ZNF696: variants seen among roughly 807,000 people sequenced by gnomAD.
The protein encoded by ZNF696 is zinc finger protein 696.
ZNF696 carries 10 observed loss-of-function variants against 12.3 expected under a neutral mutation model. The ratio of observed to expected loss-of-function variants is 0.81; its 90% CI spans 0.50 to 1.38. The LOEUF (loss-of-function observed/expected upper bound fraction) is 1.38, where lower values mean the gene tolerates loss of function less well. ZNF696 is among the 40% of genes most tolerant of loss of function. ZNF696 has a pLI of 0.00. For missense variants in ZNF696, 675 were observed against 554.7 expected (o/e 1.22, Z -2.18); for synonymous variants, 304 against 243.9 (o/e 1.25, Z -2.29).
chr8:143,293,127 G>T, intron 2 of ZNF696, 62 bp downstream of exon 2: 1 of 1,389,772 alleles, frequency 7.2e-7, no homozygotes, highest in Non-Finnish European at 1.0e-6. Context: ...CAGGAATACA[G>T]GAAAAACACC....
In ZNF696 at chr8:143,295,416, A is replaced by G. The variant is rs955722628; in HGVS notation, c.65-324A>G. On this transcript the variant is annotated intron_variant, in intron 2 of 2. Transcript: ENST00000330143. ...ACTATGTTGGCCAGGCTGGTCTTGA[A>G]CTCCAAGTCTCAAGTGGTCCTCCTG... is the stretch of plus-strand genomic sequence containing the variant. The G allele has an allele frequency of 4.7e-5, 29 of 614,968 alleles. No homozygotes were observed. In the African/African-American group the frequency reaches 5.1e-4, roughly 11 times the overall value. The allele number at this position is 614,968 out of a possible 1,614,324, so 38.1% of individuals were successfully genotyped here. A position where few individuals can be genotyped will look rare whatever the true frequency, so the allele number is the denominator to read the frequency against.
In ZNF696 at chr8:143,297,120, G is replaced by A. The variant is rs955125740; in HGVS notation, c.*320G>A. The A allele has an allele frequency of 2.6e-5, 7 of 267,624 alleles. No homozygotes were observed. The highest frequency in any genetic ancestry group is 4.2e-5 in the Non-Finnish European group (6 of 142,870). 16.6% of individuals were successfully genotyped at this position (267,624 alleles called of 1,614,324 possible). On this transcript the variant is annotated 3_prime_UTR_variant, in exon 3 of 3. Transcript: ENST00000330143. The stretch of plus-strand genomic sequence containing the variant: ...CAGCTGCTGCGGGGCAGTGGCCGGT[G>A]ATTGAATCGGTCATTCCTCCGCAAC...
chr8:143,294,617 C>T (rs1468524817), intron 2 of ZNF696, among the ~76,000 whole-genome samples: 1 of 152,140 alleles, frequency 6.6e-6, no homozygotes, highest in Non-Finnish European at 1.5e-5. Context: ...CTGCCCACCT[C>T]AGCCTCCCAA....
rs1563745216 is a variant in ZNF696 at position 143,296,511 on chromosome 8, ACCT to A, written c.842_844del (p.Leu281del). 5 of 1,607,358 alleles carry A rather than the reference ACCT, an allele frequency of 3.1e-6. No homozygotes were observed. The Admixed American group carries it at 6.7e-5, about 21-fold the overall frequency. ...GGCCAGGCCTTCAGCCAGAGCTCCA[ACCT>A]CCTCCAGCACCAGCGCGTGCACACG... On this transcript the variant is annotated inframe_deletion, in exon 3 of 3. Transcript: ENST00000330143.
chr8:143,292,440 G>GT (rs35335113), intron 1 of ZNF696, among the ~76,000 whole-genome samples: 7,611 of 145,266 alleles, frequency 0.052, 245 homozygotes, highest in East Asian at 0.075. Context: ...TCCCTTTTTG[G>GT]TTTTTTTTTT....
chr8:143,296,353 G>C lies in ZNF696; in HGVS notation c.678G>C (p.Lys226Asn). 6.3e-7 allele frequency: 1 copy of C among 1,590,750 alleles called. No homozygotes were observed. Among genetic ancestry groups the C allele is most frequent in the Non-Finnish European group, 8.5e-7 (1 of 1,172,410 alleles). Residue 226 changes from lysine (K) to asparagine (N), a missense_variant, in exon 3 of 3, where the codon AAG (lysine) becomes AAC (asparagine). Coordinates refer to ENST00000330143, the MANE Select transcript of ZNF696 (RefSeq NM_030895.3). Reference protein sequence around the residue: ...KAFGQRSDAAKHRRTHTGERL... With the variant: ...KAFGQRSDAANHRRTHTGERL... ...TCGGCCAGAGGTCGGACGCCGCCAAGCACCGCCGCACCCACACCGGGGAGA... is the reference window on the plus strand; with the variant it reads ...TCGGCCAGAGGTCGGACGCCGCCAACCACCGCCGCACCCACACCGGGGAGA...
chr8:143,292,975 T>G lies in ZNF696; in HGVS notation c.-27T>G, dbSNP rs1208566162. The G allele has an allele frequency of 6.2e-7, 1 of 1,612,986 alleles. No homozygotes were observed. The highest frequency in any genetic ancestry group is 1.7e-5 in the Admixed American group (1 of 59,866). ...TCCTTTTCTTTTACCTAAGCAGAAA[T>G]TGTTCCAACTGCTGGTGTTCTGCAA... On this transcript the variant is annotated 5_prime_UTR_variant, in exon 2 of 3. Transcript: ENST00000330143.
rs1287305983 is a variant in ZNF696 at position 143,291,719 on chromosome 8, A to G, written c.-79A>G. 3.0e-6 allele frequency: 3 copies of G among 985,356 alleles called. No individual in the cohort carries two copies. The highest frequency in any genetic ancestry group is 6.1e-5 in the Admixed American group (1 of 16,274). The allele number at this position is 985,356 out of a possible 1,614,324, so 61.0% of individuals were successfully genotyped here. ...AATTTCCCACCGGCCCAGCTCATCG[A>G]GCTTCTTCCCAGCTGTGAACAGGAG... On this transcript the variant is annotated 5_prime_UTR_variant, in exon 1 of 3. Coordinates refer to ENST00000330143, the MANE Select transcript of ZNF696 (RefSeq NM_030895.3).
In ZNF696 at chr8:143,296,528, C is replaced by G; in HGVS notation, c.853C>G (p.Arg285Gly). The stretch of plus-strand genomic sequence containing the variant: ...GAGCTCCAACCTCCTCCAGCACCAG[C>G]GCGTGCACACGGGGGAGCGGCCCTT... ...SQSSNLLQHQ[R>G]VHTGERPFAC... is the part of the protein sequence containing the mutation. The change falls in exon 3 of 3, where the codon CGC becomes GGC. Residue 285 changes from arginine (R) to glycine (G), a missense_variant. Arg to Gly is a moderately radical substitution (Grantham distance 125). Coordinates refer to ENST00000330143, the MANE Select transcript of ZNF696 (RefSeq NM_030895.3). 6.2e-7 allele frequency: 1 copy of G among 1,605,726 alleles called. No individual in the cohort carries two copies. The highest frequency in any genetic ancestry group is 1.1e-5 in the South Asian group (1 of 90,950).
chr8:143,296,512 C>T lies in ZNF696; in HGVS notation c.837C>T (p.Asn279=), dbSNP rs755867657. 5.6e-6 allele frequency: 9 copies of T among 1,607,888 alleles called. No homozygotes were observed. In the South Asian group the frequency reaches 7.7e-5, roughly 14 times the overall value. ...GCCAGGCCTTCAGCCAGAGCTCCAA[C>T]CTCCTCCAGCACCAGCGCGTGCACA... ...ECGQAFSQSS[N]LLQHQRVHTG... is the part of the protein sequence containing the mutation. The change falls in exon 3 of 3, where the codon AAC becomes AAT. Residue 279 remains asparagine, a synonymous_variant. Coordinates refer to ENST00000330143, the MANE Select transcript of ZNF696 (RefSeq NM_030895.3).
chr8:143,291,521 A>T lies in ZNF696; in HGVS notation c.-277A>T. ...GCGCGGCCGAGAGAACGGGGCGGTCACCGCCGCCGTGGCCCGCGCGTCCCG... is the reference window on the plus strand; with the variant it reads ...GCGCGGCCGAGAGAACGGGGCGGTCTCCGCCGCCGTGGCCCGCGCGTCCCG... On this transcript the variant is annotated 5_prime_UTR_variant, in exon 1 of 3. Transcript: ENST00000330143. 1 of 984,382 alleles carries T rather than the reference A, an allele frequency of 1.0e-6. No homozygotes were observed. Among genetic ancestry groups the T allele is most frequent in the Non-Finnish European group, 1.2e-6 (1 of 829,034 alleles). The allele number at this position is 984,382 out of a possible 1,614,324, so 61.0% of individuals were successfully genotyped here. A position where few individuals can be genotyped will look rare whatever the true frequency, so the allele number is the denominator to read the frequency against.
chr8:143,293,421 C>T, intron 2 of ZNF696: 1 of 408,944 alleles, frequency 2.4e-6, no homozygotes, highest in Non-Finnish European at 4.4e-6. Flanking sequence ...GCACCCTCGC[C>T]TCTGCCCACT....
At position 143,296,528 on chromosome 8, in the gene ZNF696, C is replaced by T. The variant is rs997524288; in HGVS notation, c.853C>T (p.Arg285Cys). The T allele has an allele frequency of 1.0e-5, 16 of 1,605,610 alleles. No homozygotes were observed. Among genetic ancestry groups the T allele is most frequent in the African/African-American group, 1.3e-5 (1 of 74,812 alleles). Residue 285 changes from arginine (R) to cysteine (C), a missense_variant, in exon 3 of 3, where the codon CGC (arginine) becomes TGC (cysteine). Coordinates refer to ENST00000330143, the MANE Select transcript of ZNF696 (RefSeq NM_030895.3). ...SQSSNLLQHQRVHTGERPFAC... is the reference protein window; with the variant it reads ...SQSSNLLQHQCVHTGERPFAC... The stretch of plus-strand genomic sequence containing the variant: ...GAGCTCCAACCTCCTCCAGCACCAG[C>T]GCGTGCACACGGGGGAGCGGCCCTT...
intron 1 of ZNF696, 103 bp downstream of exon 1, chr8:143,291,870 C>T (rs1815631261): frequency 2.4e-6 from 2 of 839,668 alleles, no homozygotes; most frequent in Non-Finnish European, 2.9e-6. Context: ...GGCTGGCCTC[C>T]TACTCCTGGG....
chr8:143,298,761 T>C lies in ZNF696; in HGVS notation c.*1961T>C, dbSNP rs371429979. Among the ~76,000 whole-genome samples the C allele has an allele frequency of 4.5e-4, 68 of 152,254 alleles. No individual in the cohort carries two copies. Among genetic ancestry groups the C allele is most frequent in the African/African-American group, 1.5e-3 (62 of 41,544 alleles). On this transcript the variant is annotated 3_prime_UTR_variant, in exon 3 of 3. Coordinates refer to ENST00000330143, the MANE Select transcript of ZNF696 (RefSeq NM_030895.3). ...ATAGGCAGGACTCCTTAAAGAACTT[T>C]TGGAAATGAAAAACAGGCCAGGTGC... is the stretch of plus-strand genomic sequence containing the variant.
At position 143,299,870 on chromosome 8, in the gene ZNF696, G is replaced by A. The variant is rs1375506608; in HGVS notation, c.*3070G>A. Among the ~76,000 whole-genome samples, 1 of 152,076 alleles carries A rather than the reference G, an allele frequency of 6.6e-6. No individual in the cohort carries two copies. The highest frequency in any genetic ancestry group is 2.4e-5 in the African/African-American group (1 of 41,392). ...AGGCTGAGGTGGGAGGATCACCTGA[G>A]CCTGGGAGCTCGAGACTGCAGTGAG... On this transcript the variant is annotated 3_prime_UTR_variant, in exon 3 of 3. Transcript: ENST00000330143.
At chr8:143,294,655 C>T (rs112132515) in intron 2 of ZNF696, among the ~76,000 whole-genome samples, 6 of 152,124 alleles carry the variant, frequency 3.9e-5, no homozygotes, top group Admixed American at 1.3e-4. Flanking sequence ...CGTGAGCCAC[C>T]GCGACTGGCC....
chr8:143,295,530 C>T lies in ZNF696; in HGVS notation c.65-210C>T, dbSNP rs775114212. On this transcript the variant is annotated intron_variant, in intron 2 of 2. Coordinates refer to ENST00000330143, the MANE Select transcript of ZNF696 (RefSeq NM_030895.3). ...TTCTGGAGTGGCAGTGCAGGATTCT[C>T]GTCTACCTCATAACCATGGGGGTTA... is the stretch of plus-strand genomic sequence containing the variant. 4.0e-4 allele frequency: 277 copies of T among 701,204 alleles called. 1 individual carries two copies. The highest frequency in any genetic ancestry group is 6.1e-4 in the Non-Finnish European group (238 of 391,402). 43.4% of individuals were successfully genotyped at this position (701,204 alleles called of 1,614,324 possible).
At chr8:143,293,233 G>A (rs960982103) in intron 2 of ZNF696, 168 bp downstream of exon 2, 6 of 613,406 alleles carry the variant, frequency 9.8e-6, no homozygotes, top group Admixed American at 3.0e-5. Flanking sequence ...CTGGGCATCT[G>A]TTTGGTGACT....
Sources: allele counts gnomAD v4.1 joint callset (sites outside exome capture counted in the v4.1 genomes callset), GRCh38; gene constraint gnomAD v4.1.1; transcripts MANE v1.5; gene names NCBI Gene and HGNC (gene_info 2026-07-23, HGNC 2026-07-21).